TANC2: variants seen among roughly 807,000 people sequenced by gnomAD.
TANC2 encodes the protein tetratricopeptide repeat, ankyrin repeat and coiled-coil containing 2.
TANC2 carries 26 observed loss-of-function variants against 210.5 expected under a neutral mutation model. The observed-to-expected ratio is 0.12, with a 90% CI of 0.09 to 0.17. TANC2 has a LOEUF of 0.17. Ranked by LOEUF, TANC2 falls within the 10% of genes least tolerant of loss-of-function variation. TANC2 has a pLI of 1.00. For missense variants in TANC2, 2,129 were observed against 2,608.9 expected, an observed-to-expected ratio of 0.82 and a Z score of 4.01; for synonymous variants, 931 against 967.1, an observed-to-expected ratio of 0.96 and a Z score of 0.69.
intron 26 of TANC2, among the ~76,000 whole-genome samples, chr17:63,416,927 C>T (rs1160100508): frequency 1.3e-5 from 2 of 152,240 alleles, no homozygotes; most frequent in African/African-American, 4.8e-5. Context: ...CTCCCCTGCA[C>T]CAGCCGATGA....
At chr17:63,014,283 C>T (rs1324459887) in intron 2 of TANC2, among the ~76,000 whole-genome samples, 3 of 152,028 alleles carry the variant, frequency 2.0e-5, no homozygotes, top group African/African-American at 7.2e-5. Context: ...GTTCTACTGA[C>T]ATAGTATCCT....
chr17:63,306,611 G>A (rs1053757911), intron 9 of TANC2, among the ~76,000 whole-genome samples: 5 of 152,154 alleles, frequency 3.3e-5, no homozygotes, highest in African/African-American at 1.2e-4. Flanking sequence ...AAAATAATTA[G>A]TATTTATGAT....
chr17:63,314,806 G>A, intron 10 of TANC2, 137 bp downstream of exon 10: 2 of 1,136,680 alleles, frequency 1.8e-6, no homozygotes. Context: ...CATTTAGGTT[G>A]AGAGAAAGAT....
intron 4 of TANC2, among the ~76,000 whole-genome samples, chr17:63,103,109 G>GACTGATC (rs1567724588): frequency 0.014 from 2,158 of 152,168 alleles, 52 homozygotes; most frequent in African/African-American, 0.049. Context: ...AGCCACATAG[G>GACTGATC]TTTTCCTGAT....
chr17:63,382,625 T>G (rs916639973), intron 15 of TANC2, among the ~76,000 whole-genome samples: 7 of 152,236 alleles, frequency 4.6e-5, no homozygotes, highest in Non-Finnish European at 1.0e-4. Flanking sequence ...TTTCTTTATT[T>G]TTAAGAAATG....
intron 12 of TANC2, among the ~76,000 whole-genome samples, chr17:63,349,484 G>A (rs2046527355): frequency 6.6e-6 from 1 of 152,134 alleles, no homozygotes; most frequent in Admixed American, 6.5e-5. Flanking sequence ...TGAAGGGCGG[G>A]GACAGTGGTG....
At chr17:63,366,161 C>T (rs1765019750) in intron 14 of TANC2, among the ~76,000 whole-genome samples, 1 of 152,134 alleles carries the variant, frequency 6.6e-6, no homozygotes. Context: ...CACAACTCAA[C>T]AGATAGTATC....
chr17:63,292,401 G>A (rs1470812762), intron 9 of TANC2, among the ~76,000 whole-genome samples: 2 of 152,158 alleles, frequency 1.3e-5, no homozygotes, highest in African/African-American at 2.4e-5. Context: ...GGTAAACAGT[G>A]TGAAATACTA....
intron 2 of TANC2, among the ~76,000 whole-genome samples, chr17:63,023,639 C>A (rs1193782133): frequency 6.6e-6 from 1 of 152,174 alleles, no homozygotes; most frequent in Non-Finnish European, 1.5e-5. Context: ...TGCTGCCTGT[C>A]CCATTACTGT....
chr17:62,982,087 C>G (rs2032332897), intron 1 of TANC2, among the ~76,000 whole-genome samples: 1 of 152,178 alleles, frequency 6.6e-6, no homozygotes, highest in African/African-American at 2.4e-5. Context: ...CTCCCTGCCC[C>G]ACCTTGGTCA....
At chr17:63,032,428 A>C (rs2034809797) in intron 2 of TANC2, among the ~76,000 whole-genome samples, 1 of 152,012 alleles carries the variant, frequency 6.6e-6, no homozygotes, top group African/African-American at 2.4e-5. Flanking sequence ...AGAGTTTTTA[A>C]AGGGCACTTC....
At chr17:63,064,135 G>T (rs943753136) in intron 2 of TANC2, among the ~76,000 whole-genome samples, 49 of 152,190 alleles carry the variant, frequency 3.2e-4, no homozygotes, top group African/African-American at 1.2e-3. Context: ...CAATTTGGGA[G>T]GTATAAGAAT....
chr17:63,009,621 C>T, exon 2 of TANC2: 1 of 1,612,510 alleles, frequency 6.2e-7, no homozygotes, highest in Non-Finnish European at 8.5e-7. Flanking sequence ...AAAAACAGGT[C>T]AAGTGGTAAG....
chr17:63,322,700 A>G (rs762527547), intron 11 of TANC2, among the ~76,000 whole-genome samples: 44 of 152,372 alleles, frequency 2.9e-4, no homozygotes, highest in Middle Eastern at 3.4e-3. Flanking sequence ...GAGAAAGACA[A>G]TAAACAAATA....
chr17:63,182,547 G>T, intron 5 of TANC2: 1 of 237,408 alleles, frequency 4.2e-6, no homozygotes, highest in South Asian at 6.7e-5. Flanking sequence ...CTTTTTTGGG[G>T]AATCAAAGGG....
intron 9 of TANC2, among the ~76,000 whole-genome samples, chr17:63,269,940 TCTTAA>T (rs2043646941): frequency 6.6e-6 from 1 of 152,206 alleles, no homozygotes; most frequent in Non-Finnish European, 1.5e-5. Context: ...GCAAATAGTG[TCTTAA>T]CTTATTGTTT....
chr17:63,339,314 T>C (rs1431831619), intron 11 of TANC2, among the ~76,000 whole-genome samples: 1 of 152,134 alleles, frequency 6.6e-6, no homozygotes, highest in Non-Finnish European at 1.5e-5. Context: ...TAAAATCCCC[T>C]TTGTACTTGC....
At chr17:63,219,603 G>A (rs2042114748) in intron 7 of TANC2, among the ~76,000 whole-genome samples, 1 of 152,006 alleles carries the variant, frequency 6.6e-6, no homozygotes, top group Admixed American at 6.6e-5. Flanking sequence ...GTAGAGACGG[G>A]GTTTCCCCAT....
chr17:63,005,279 G>C (rs1215919592), intron 1 of TANC2: 2 of 151,360 alleles, frequency 1.3e-5, no homozygotes, highest in Admixed American at 6.6e-5. Flanking sequence ...TGGACTGTCT[G>C]TTCTATTCTG....
Sources: allele counts gnomAD v4.1 joint callset (sites outside exome capture counted in the v4.1 genomes callset), GRCh38; gene constraint gnomAD v4.1.1; transcripts MANE v1.5; gene names NCBI Gene and HGNC (gene_info 2026-07-23, HGNC 2026-07-21).